The following STXBP4 variants were observed in gnomAD, a reference collection of about 807,000 sequenced individuals.
The protein encoded by STXBP4 is syntaxin-binding protein 4.
In STXBP4, 55 loss-of-function variants were observed where a neutral mutation model predicts 76.1. That is an observed-to-expected ratio of 0.72 (90% CI 0.58 to 0.91). The LOEUF (loss-of-function observed/expected upper bound fraction) is 0.91. Ranked by LOEUF, STXBP4 falls within the 40% of genes least tolerant of loss-of-function variation. STXBP4 has a pLI of 0.00. For missense variants in STXBP4, 618 were observed against 636.9 expected (o/e 0.97, Z 0.32); for synonymous variants, 201 against 220.2 (o/e 0.91, Z 0.77).
At chr17:55,031,322 G>C in intron 9 of STXBP4, 58 bp downstream of exon 9, 1 of 1,324,066 alleles carries the variant, frequency 7.6e-7, no homozygotes, top group Non-Finnish European at 1.1e-6. Context: ...GAGTTATGGT[G>C]ACACATTTTC....
chr17:55,183,178 A>G, the STXBP4 span, among the ~76,000 whole-genome samples: 1 of 152,246 alleles, frequency 6.6e-6, no homozygotes, highest in Non-Finnish European at 1.5e-5. Flanking sequence ...TAAAGAGGGT[A>G]AAAACTACCA....
At chr17:55,145,270 G>A (rs1156756546) in intron 17 of STXBP4, among the ~76,000 whole-genome samples, 1 of 152,164 alleles carries the variant, frequency 6.6e-6, no homozygotes, top group Non-Finnish European at 1.5e-5. Context: ...TGAGGTAAGA[G>A]TGATTCATTT....
At chr17:55,012,194 T>C (rs1327249147) in intron 8 of STXBP4, among the ~76,000 whole-genome samples, 1 of 152,168 alleles carries the variant, frequency 6.6e-6, no homozygotes. Flanking sequence ...CAGTGCACCA[T>C]TGGTTACCTT....
chr17:55,059,841 A>C (rs999947567), intron 12 of STXBP4, among the ~76,000 whole-genome samples: 3 of 152,144 alleles, frequency 2.0e-5, no homozygotes, highest in Admixed American at 2.0e-4. Flanking sequence ...TATACCAAAA[A>C]GGTCTATGCA....
intron 7 of STXBP4, among the ~76,000 whole-genome samples, chr17:55,004,892 T>C (rs2077980779): frequency 6.6e-6 from 1 of 152,018 alleles, no homozygotes; most frequent in African/African-American, 2.4e-5. Context: ...AATAAAGAGC[T>C]TGGAGCTGGG....
At chr17:55,031,609 A>C (rs1425359865) in intron 9 of STXBP4, among the ~76,000 whole-genome samples, 1 of 152,160 alleles carries the variant, frequency 6.6e-6, no homozygotes, top group Non-Finnish European at 1.5e-5. Context: ...ATTAATTCGA[A>C]TCCTTTTTCA....
chr17:55,108,607 G>C (rs1039236777), intron 16 of STXBP4, among the ~76,000 whole-genome samples: 58 of 152,210 alleles, frequency 3.8e-4, no homozygotes, highest in African/African-American at 1.4e-3. Context: ...ATCTGGGCTG[G>C]AATGCACCGT....
At chr17:54,997,602 A>T (rs1242329095) in intron 4 of STXBP4, among the ~76,000 whole-genome samples, 1 of 145,368 alleles carries the variant, frequency 6.9e-6, no homozygotes, top group Non-Finnish European at 1.5e-5. Context: ...TATATATTTT[A>T]TATATATATA....
chr17:55,144,196 A>G (rs940891134), intron 17 of STXBP4, among the ~76,000 whole-genome samples: 2 of 152,206 alleles, frequency 1.3e-5, no homozygotes, highest in Non-Finnish European at 2.9e-5. Flanking sequence ...AAGAATAAGA[A>G]GTTGTCTTCC....
chr17:54,971,782 CTTTTTT>C (rs1567864992), intron 1 of STXBP4, among the ~76,000 whole-genome samples: 1 of 148,778 alleles, frequency 6.7e-6, no homozygotes, highest in African/African-American at 2.6e-5. Flanking sequence ...TTTTTCTTTC[CTTTTTT>C]ATTTTTATTT....
chr17:55,187,440 AAAC>A, the STXBP4 span, among the ~76,000 whole-genome samples: 42 of 152,102 alleles, frequency 2.8e-4, no homozygotes, highest in Admixed American at 8.5e-4. Flanking sequence ...AAAAAAAAAA[AAAC>A]AACAACAACA....
chr17:55,002,427 CAT>C (rs1305834299), intron 7 of STXBP4, among the ~76,000 whole-genome samples: 1 of 152,052 alleles, frequency 6.6e-6, no homozygotes, highest in East Asian at 1.9e-4. Flanking sequence ...TGAAATAAAA[CAT>C]GGGGCTAAAA....
chr17:55,120,907 C>G (rs2079836601), intron 16 of STXBP4, among the ~76,000 whole-genome samples: 1 of 152,076 alleles, frequency 6.6e-6, no homozygotes, highest in African/African-American at 2.4e-5. Flanking sequence ...GCACTATGTT[C>G]TAGCCCTTGC....
At chr17:55,112,859 G>A (rs1217683336) in intron 16 of STXBP4, among the ~76,000 whole-genome samples, 1 of 152,062 alleles carries the variant, frequency 6.6e-6, no homozygotes, top group Non-Finnish European at 1.5e-5. Flanking sequence ...AGATGACTGG[G>A]AAGAGAGGAA....
At chr17:55,003,371 G>A (rs940646121) in intron 7 of STXBP4, among the ~76,000 whole-genome samples, 7 of 151,944 alleles carry the variant, frequency 4.6e-5, no homozygotes, top group East Asian at 3.9e-4. Context: ...CAATTAAGAC[G>A]GAACATTTTT....
intron 10 of STXBP4, among the ~76,000 whole-genome samples, chr17:55,041,960 T>A (rs987603528): frequency 6.6e-6 from 1 of 152,190 alleles, no homozygotes; most frequent in African/African-American, 2.4e-5. Flanking sequence ...TGAATTCTTA[T>A]GAGTGTTTGT....
chr17:55,203,844 T>G, the STXBP4 span, among the ~76,000 whole-genome samples: 1 of 152,126 alleles, frequency 6.6e-6, no homozygotes, highest in African/African-American at 2.4e-5. Flanking sequence ...AAGGTGATCT[T>G]TTTTTTCTTA....
chr17:55,184,971 G>A, the STXBP4 span, among the ~76,000 whole-genome samples: 2,099 of 152,066 alleles, frequency 0.014, 40 homozygotes, highest in African/African-American at 0.047. Context: ...TCCTGGGCCC[G>A]AGCCATCCTG....
At chr17:55,004,182 C>CAA (rs1013198000) in intron 7 of STXBP4, among the ~76,000 whole-genome samples, 2 of 123,014 alleles carry the variant, frequency 1.6e-5, no homozygotes, top group African/African-American at 3.0e-5. Context: ...GATGCCATCT[C>CAA]AAAAAAAAAA....
Sources: allele counts gnomAD v4.1 joint callset (sites outside exome capture counted in the v4.1 genomes callset), GRCh38; gene constraint gnomAD v4.1.1; transcripts MANE v1.5; gene names NCBI Gene and HGNC (gene_info 2026-07-23, HGNC 2026-07-21).